The following NBPF10 variants were observed in gnomAD, a reference collection of about 807,000 sequenced individuals.
The protein encoded by NBPF10 is NBPF family member NBPF10.
In NBPF10, 63 loss-of-function variants were observed where a neutral mutation model predicts 77.9. That is an observed-to-expected ratio of 0.81 (90% CI 0.66 to 1.00). The LOEUF is 1.00. Among genes scored for constraint, NBPF10 ranks in the 50% least tolerant of loss-of-function variants. The pLI is 0.00. For missense variants in NBPF10, 522 were observed against 679.8 expected (o/e 0.77, Z 2.58); for synonymous variants, 146 against 264.5 (o/e 0.55, Z 4.35).
chr1:146,066,783 C>G (rs879947944), intron 89 of NBPF10, among the ~76,000 whole-genome samples: 29 of 151,766 alleles, frequency 1.9e-4, no homozygotes, highest in Non-Finnish European at 3.2e-4. Context: ...GAGACAGAGA[C>G]AGAGACAGAG....
intron 88 of NBPF10, among the ~76,000 whole-genome samples, chr1:146,067,747 C>G (rs1388981208): frequency 1.5e-4 from 23 of 150,976 alleles, no homozygotes; most frequent in African/African-American, 5.4e-4. Flanking sequence ...CACATCTGCC[C>G]AGGTCCAATG....
rs3010125 is a variant in NBPF10, at chr1:146,139,299, C to T, written c.778+510G>A. ...TTTTTTTTTGTATTTTTAGTAAAGA[C>T]GGGGTTTCACCGTGTTAGCCAGGAT... On this transcript the variant is annotated intron_variant, in intron 5 of 89. Transcript: ENST00000583866. Among the ~76,000 whole-genome samples, 21 of 149,774 alleles carry T rather than the reference C, an allele frequency of 1.4e-4. No individual in the cohort carries two copies. The South Asian group carries it at 3.3e-3, about 24-fold the overall frequency.
At chr1:146,126,670 G>T (rs1553790192) in intron 13 of NBPF10, among the ~76,000 whole-genome samples, 1 of 145,196 alleles carries the variant, frequency 6.9e-6, no homozygotes. Context: ...GTGACACACT[G>T]ATGAGGGAGT....
chr1:146,139,065 G>C (rs1347800010), intron 5 of NBPF10, among the ~76,000 whole-genome samples: 3 of 135,522 alleles, frequency 2.2e-5, no homozygotes, highest in Admixed American at 7.4e-5. Flanking sequence ...ATTAAGATGT[G>C]AGCCAGCGCC....
At chr1:146,081,057 G>A in intron 71 of NBPF10, among the ~76,000 whole-genome samples, 1 of 40,700 alleles carries the variant, frequency 2.5e-5, no homozygotes, top group African/African-American at 5.4e-5. Flanking sequence ...AACGAGCTCA[G>A]TGAATTGTCC....
Position 146,136,412 on chromosome 1 carries a change from AT to A in NBPF10, c.1031del (p.Asn344MetfsTer34). ...GCTTCTCCTCCTTGAACTGTCGCTC[AT>A]TCCTCAGCATAAATTTTATGAGGTC... On this transcript the variant is annotated frameshift_variant, in exon 7 of 90. Coordinates refer to ENST00000583866, the Ensembl canonical transcript of NBPF10. LOFTEE classifies it high-confidence loss of function. 6.2e-7 allele frequency: 1 copy of A among 1,611,956 alleles called. No homozygotes were observed. Among genetic ancestry groups the A allele is most frequent in the South Asian group, 1.1e-5 (1 of 90,996 alleles).
intron 29 of NBPF10, among the ~76,000 whole-genome samples, chr1:146,114,048 A>G (rs1657689753): frequency 4.7e-5 from 1 of 21,076 alleles, no homozygotes. Context: ...ACACACACAC[A>G]CACACACACA....
chr1:146,126,135 C>T (rs3929730), intron 14 of NBPF10, 101 bp downstream of exon 14: 1 of 793,342 alleles, frequency 1.3e-6, no homozygotes, highest in South Asian at 1.4e-5. Flanking sequence ...CTCCCTGTGG[C>T]AATGACATCT....
In NBPF10 at chr1:146,142,542, T is replaced by C. The variant is rs113098014; in HGVS notation, c.278+108A>G. Reference sequence around the variant, plus strand: ...GTGTCATGAGCCTGCCATGGCAATTTCTGCCCTTCCCCTGGCCCAGCTTCG... The same window carrying C: ...GTGTCATGAGCCTGCCATGGCAATTCCTGCCCTTCCCCTGGCCCAGCTTCG... On this transcript the variant is annotated intron_variant, in intron 2 of 89. Coordinates refer to ENST00000583866, the Ensembl canonical transcript of NBPF10. The C allele has an allele frequency of 1.1e-5, 7 of 620,738 alleles. 1 individual carries two copies. Among genetic ancestry groups the C allele is most frequent in the African/African-American group, 3.5e-5 (2 of 56,674 alleles). The allele number at this position is 620,738 out of a possible 1,614,324, so 38.5% of individuals were successfully genotyped here. A position where few individuals can be genotyped will look rare whatever the true frequency, so the allele number is the denominator to read the frequency against.
chr1:146,126,471 T>C (rs1658680784), intron 13 of NBPF10, 63 bp from the exon 14 acceptor site: 1 of 765,160 alleles, frequency 1.3e-6, no homozygotes, highest in Non-Finnish European at 2.4e-6. Context: ...CAGCCCCAGC[T>C]AGATTTCATG....
intron 88 of NBPF10, among the ~76,000 whole-genome samples, 181 bp downstream of exon 88, chr1:146,067,822 G>A (rs1559308908): frequency 1.3e-5 from 2 of 152,020 alleles, no homozygotes; most frequent in South Asian, 4.2e-4. Context: ...CTTGCTCACT[G>A]AACCATTTCA....
In NBPF10 at chr1:146,136,503, G is replaced by A. The variant is rs782468478; in HGVS notation, c.989-48C>T. On this transcript the variant is annotated intron_variant, in intron 6 of 89. Transcript: ENST00000583866. ...GCCTCAGTGGAAGGCTGGACATGCT[G>A]CTGTGGTCATTGCCTACAGGACAGG... 10 of 1,570,962 alleles carry A rather than the reference G, an allele frequency of 6.4e-6. No individual in the cohort carries two copies. In the South Asian group the frequency reaches 7.8e-5, roughly 12 times the overall value.
exon 90 of NBPF10, chr1:146,066,267 C>T: frequency 1.7e-6 from 1 of 582,958 alleles, no homozygotes; most frequent in East Asian, 2.8e-5. Flanking sequence ...TCTTCACTTG[C>T]CTATAGGTCC....
Position 146,140,256 on chromosome 1 carries a change from TGAG to T in NBPF10, c.566+225_566+227del, listed in dbSNP as rs587697146. ...TTCAGTGCACTGAACAGATAGGAGC[TGAG>T]GAGGATGAAGACTCAGCTATCCCTG... On this transcript the variant is annotated intron_variant, in intron 4 of 89. Transcript: ENST00000583866. 1.3e-4 allele frequency among the ~76,000 whole-genome samples: 16 copies of T among 125,088 alleles called. 3 individuals carry two copies. In the Admixed American group the frequency reaches 1.3e-3, roughly 10 times the overall value. 82.1% of individuals were successfully genotyped at this position (125,088 alleles called of 152,430 possible). A position where few individuals can be genotyped will look rare whatever the true frequency, so the allele number is the denominator to read the frequency against.
exon 14 of NBPF10, chr1:146,126,272 C>T (rs782493155): frequency 4.4e-6 from 7 of 1,608,164 alleles, no homozygotes; most frequent in South Asian, 1.1e-5. Flanking sequence ...CGCTGTTGCT[C>T]CAATATGTAA....
At position 146,125,904 on chromosome 1, in the gene NBPF10, A is replaced by C. The variant is rs1266871087; in HGVS notation, c.2026+332T>G. ...GGTAGCGAGGATTTTAGACGCTGAA[A>C]TTAGAGTAAAGGATGAAATCTACAA... is the stretch of plus-strand genomic sequence containing the variant. On this transcript the variant is annotated intron_variant, in intron 14 of 89. Coordinates refer to ENST00000583866, the Ensembl canonical transcript of NBPF10. Among the ~76,000 whole-genome samples, 2 of 151,508 alleles carry C rather than the reference A, an allele frequency of 1.3e-5. 1 individual carries two copies. The highest frequency in any genetic ancestry group is 4.8e-5 in the African/African-American group (2 of 41,246).
intron 13 of NBPF10, among the ~76,000 whole-genome samples, chr1:146,126,680 T>A: frequency 2.2e-5 from 3 of 135,274 alleles, no homozygotes; most frequent in Admixed American, 7.5e-5. Flanking sequence ...GATGAGGGAG[T>A]CAAAGGACAC....
chr1:146,134,004 C>T (rs587724086), intron 9 of NBPF10, among the ~76,000 whole-genome samples, 189 bp downstream of exon 9: 3 of 150,696 alleles, frequency 2.0e-5, no homozygotes, highest in African/African-American at 7.4e-5. Context: ...ACGGTGCAGA[C>T]ATGACACTCA....
intron 17 of NBPF10, among the ~76,000 whole-genome samples, chr1:146,123,525 CAGAG>C (rs1186150213): frequency 8.3e-5 from 6 of 72,016 alleles, no homozygotes; most frequent in African/African-American, 3.7e-4. Context: ...CACACACACA[CAGAG>C]AGAGAGAGAA....
Sources: gnomAD v4.1 joint callset for allele counts (sites outside exome capture counted in the v4.1 genomes callset) on GRCh38, gnomAD v4.1.1 for gene constraint, MANE v1.5 for transcripts, NCBI Gene and HGNC (gene_info 2026-07-23, HGNC 2026-07-21) for gene names.